The following HNRNPH1 variants were observed in gnomAD, a reference collection of about 807,000 sequenced individuals.
The protein encoded by HNRNPH1 is heterogeneous nuclear ribonucleoprotein H1, also known as heterogeneous nuclear ribonucleoprotein H.
A neutral mutation model predicts 58.6 loss-of-function variants in HNRNPH1; 4 were observed. That is an observed-to-expected ratio of 0.07 (90% CI 0.03 to 0.16). HNRNPH1 has a LOEUF of 0.16. HNRNPH1 is among the 10% of genes least tolerant of loss of function. The pLI, the probability that HNRNPH1 is intolerant of heterozygous loss-of-function variation, is 1.00. For synonymous variants in HNRNPH1, 192 were observed against 189.2 expected (o/e 1.01, Z -0.12); for missense variants, 271 against 564.2 (o/e 0.48, Z 5.26).
chr5:179,621,401 GA>G lies in HNRNPH1; in HGVS notation c.98-5del. On this transcript the variant is annotated splice_region_variant and splice_polypyrimidine_tract_variant and intron_variant, in intron 1 of 12. Coordinates refer to ENST00000356731, the Ensembl canonical transcript of HNRNPH1. Reference sequence around the variant, plus strand: ...GCCCCATTTTGAATTTTGCAGTCTGGAAAGAAAACAACCGTTAATACAGAAT... The same window carrying G: ...GCCCCATTTTGAATTTTGCAGTCTGGAAGAAAACAACCGTTAATACAGAAT... The G allele has an allele frequency of 1.9e-6, 3 of 1,612,198 alleles. No individual in the cohort carries two copies. The highest frequency in any genetic ancestry group is 2.5e-6 in the Non-Finnish European group (3 of 1,179,432).
chr5:179,615,453 G>A, intron 12 of HNRNPH1, 93 bp downstream of exon 13: 1 of 672,798 alleles, frequency 1.5e-6, no homozygotes, highest in Non-Finnish European at 2.6e-6. Context: ...CCTCCATGGA[G>A]TTAAGTCAGA....
chr5:179,615,215 T>C (rs1366891422), intron 12 of HNRNPH1: 2 of 435,884 alleles, frequency 4.6e-6, no homozygotes, highest in Non-Finnish European at 8.2e-6. Context: ...AAAAATTAAG[T>C]TTAAAGGAAA....
chr5:179,623,671 G>A (rs868319997), exon 1 of HNRNPH1: 1 of 152,852 alleles, frequency 6.5e-6, no homozygotes, highest in Admixed American at 6.5e-5. Flanking sequence ...AAGACGAAAT[G>A]GCCAGCGGGC....
chr5:179,616,046 T>TA (rs1258473740), intron 11 of HNRNPH1, 80 bp downstream of exon 12: 31 of 1,243,970 alleles, frequency 2.5e-5, no homozygotes, highest in Non-Finnish European at 3.2e-5. Context: ...GTAACAGGCT[T>TA]TACCATAACT....
upstream of HNRNPH1, among the ~76,000 whole-genome samples, chr5:179,624,936 G>C (rs1216158543): frequency 6.6e-6 from 1 of 152,182 alleles, no homozygotes; most frequent in African/African-American, 2.4e-5. Context: ...TCAAAAGAAA[G>C]ACAGGAGCCC....
intron 10 of HNRNPH1, chr5:179,616,486 G>A: frequency 1.9e-6 from 1 of 531,384 alleles, no homozygotes; most frequent in Non-Finnish European, 3.4e-6. Flanking sequence ...ATTTTGTGAA[G>A]ATCTTATGAA....
At chr5:179,625,067 C>T (rs1774236476), upstream of HNRNPH1, among the ~76,000 whole-genome samples, 1 of 152,128 alleles carries the variant, frequency 6.6e-6, no homozygotes, top group Admixed American at 6.6e-5. Context: ...AAGGAAAACT[C>T]TTGCTGGATG....
At chr5:179,629,129 C>T (rs1434634524), upstream of HNRNPH1, 5 of 149,418 alleles carry the variant, frequency 3.3e-5, no homozygotes, top group African/African-American at 4.9e-5. Context: ...AACCCCGTCT[C>T]TACTAAAAAT....
chr5:179,630,346 T>C (rs1774726681), intron 2 of HNRNPH1, among the ~76,000 whole-genome samples: 1 of 149,812 alleles, frequency 6.7e-6, no homozygotes, highest in South Asian at 2.1e-4. Flanking sequence ...TGAAATTCTG[T>C]CTCAAAAAAA....
At chr5:179,621,546 A>C in intron 1 of HNRNPH1, 149 bp from the exon 3 acceptor site, 1 of 621,806 alleles carries the variant, frequency 1.6e-6, no homozygotes, top group Non-Finnish European at 2.8e-6. Flanking sequence ...AACTCCTAAA[A>C]CTCCAATTAA....
At chr5:179,621,630 G>A (rs993951259) in intron 1 of HNRNPH1, 20 of 540,116 alleles carry the variant, frequency 3.7e-5, no homozygotes, top group Non-Finnish European at 5.6e-5. Flanking sequence ...AGCAGTTTCA[G>A]AATGAATTTA....
intron 10 of HNRNPH1, 180 bp downstream of exon 11, chr5:179,616,684 TCTATC>T: frequency 1.6e-6 from 1 of 610,342 alleles, no homozygotes; most frequent in East Asian, 2.8e-5. Context: ...ATTTGAATTA[TCTATC>T]CTAAGGAACT....
intron 1 of HNRNPH1, 113 bp from the exon 3 acceptor site, chr5:179,621,510 C>G (rs1772298284): frequency 2.4e-6 from 2 of 830,710 alleles, no homozygotes; most frequent in Admixed American, 5.2e-5. Flanking sequence ...CTTGTGAAGC[C>G]TATATATACT....
chr5:179,615,916 A>G (rs1769326636), intron 11 of HNRNPH1: 1 of 532,682 alleles, frequency 1.9e-6, no homozygotes, highest in Non-Finnish European at 3.3e-6. Flanking sequence ...GTTTCTGAAA[A>G]TTAGCTAGTA....
chr5:179,616,446 TA>T, intron 10 of HNRNPH1: 1 of 562,816 alleles, frequency 1.8e-6, no homozygotes, highest in Non-Finnish European at 3.2e-6. Flanking sequence ...TCAGCAGGAC[TA>T]AAATCAACAT....
At chr5:179,620,147 C>T (rs1243541006) in intron 3 of HNRNPH1, 5 of 152,132 alleles carry the variant, frequency 3.3e-5, no homozygotes, top group Non-Finnish European at 7.4e-5. Context: ...CATTAGGACT[C>T]GATACATATA....
At chr5:179,623,234 G>T in exon 1 of HNRNPH1, 1 of 727,378 alleles carries the variant, frequency 1.4e-6, no homozygotes, top group Non-Finnish European at 2.2e-6. Context: ...GCGCGCCCGG[G>T]CCCGCACCGC....
upstream of HNRNPH1, among the ~76,000 whole-genome samples, chr5:179,627,616 C>T (rs902390798): frequency 2.6e-5 from 4 of 151,886 alleles, no homozygotes; most frequent in Non-Finnish European, 5.9e-5. Context: ...ATTCTTGTGC[C>T]TCAATCTCCC....
At chr5:179,627,209 T>C (rs1460333810), upstream of HNRNPH1, among the ~76,000 whole-genome samples, 3 of 152,186 alleles carry the variant, frequency 2.0e-5, no homozygotes, top group Non-Finnish European at 4.4e-5. Flanking sequence ...TGTGGTGGTA[T>C]TTTTTGTTTG....
Sources: allele counts gnomAD v4.1 joint callset (sites outside exome capture counted in the v4.1 genomes callset), GRCh38; gene constraint gnomAD v4.1.1; transcripts MANE v1.5; gene names NCBI Gene and HGNC (gene_info 2026-07-23, HGNC 2026-07-21).